Variants in DAP observed in about 807,000 individuals in gnomAD.
The protein encoded by DAP is death associated protein.
DAP carries 8 observed loss-of-function variants against 13.8 expected under a neutral mutation model. The observed-to-expected ratio is 0.58, with a 90% CI of 0.34 to 1.05. The LOEUF is 1.05. Among genes scored for constraint, DAP ranks in the 50% least tolerant of loss-of-function variants. DAP has a pLI of 0.03. For missense variants in DAP, 106 were observed against 133.2 expected, an observed-to-expected ratio of 0.80 and a Z score of 1.01; for synonymous variants, 47 against 47.5, an observed-to-expected ratio of 0.99 and a Z score of 0.04.
chr5:10,756,135 G>T (rs1358214443), intron 1 of DAP, among the ~76,000 whole-genome samples: 1 of 92,312 alleles, frequency 1.1e-5, no homozygotes, highest in Non-Finnish European at 2.3e-5. Flanking sequence ...GAGAGACCCT[G>T]TCTAGACAAG....
chr5:10,732,326 C>T (rs1739485322), intron 2 of DAP, among the ~76,000 whole-genome samples: 1 of 152,198 alleles, frequency 6.6e-6, no homozygotes, highest in Non-Finnish European at 1.5e-5. Flanking sequence ...GCAATCGATA[C>T]CCATTAAGCT....
chr5:10,753,267 C>T (rs536850529), intron 1 of DAP, among the ~76,000 whole-genome samples: 41 of 152,344 alleles, frequency 2.7e-4, no homozygotes, highest in African/African-American at 8.9e-4. Flanking sequence ...GGCCCCAAAT[C>T]GCACAGCTGG....
At chr5:10,711,590 T>C (rs1005338331) in intron 2 of DAP, among the ~76,000 whole-genome samples, 1 of 152,212 alleles carries the variant, frequency 6.6e-6, no homozygotes, top group African/African-American at 2.4e-5. Flanking sequence ...CTCTGAACTC[T>C]GACAGCGCTT....
intron 1 of DAP, among the ~76,000 whole-genome samples, chr5:10,760,487 A>G (rs1740313307): frequency 6.6e-6 from 1 of 152,216 alleles, no homozygotes; most frequent in Non-Finnish European, 1.5e-5. Flanking sequence ...GGGGAAAAAA[A>G]AAATCTGGAT....
rs889384611 is a variant in DAP at position 10,717,293 on chromosome 5, C to G, written c.152+30882G>C. ...AGAAAGAGCTGAAATTGTGGAAAAA[C>G]AGACACAAGCCCTTATGATGTGAGT... On this transcript the variant is annotated intron_variant, in intron 2 of 3. Transcript: ENST00000230895. Among the ~76,000 whole-genome samples the G allele has an allele frequency of 2.0e-5, 3 of 152,136 alleles. No individual in the cohort carries two copies. In the South Asian group the frequency reaches 6.2e-4, roughly 32 times the overall value.
At chr5:10,686,550 G>A (rs1367016158) in intron 2 of DAP, among the ~76,000 whole-genome samples, 4 of 152,168 alleles carry the variant, frequency 2.6e-5, no homozygotes, top group Non-Finnish European at 5.9e-5. Flanking sequence ...GAGAAAGTTC[G>A]AGTGGTCTGG....
chr5:10,744,793 G>T (rs1013007431), intron 2 of DAP, among the ~76,000 whole-genome samples: 1 of 152,230 alleles, frequency 6.6e-6, no homozygotes, highest in African/African-American at 2.4e-5. Context: ...CTTAGCAGGT[G>T]CCCAGCACAA....
At chr5:10,739,758 C>T (rs149587062) in intron 2 of DAP, among the ~76,000 whole-genome samples, 2 of 150,302 alleles carry the variant, frequency 1.3e-5, no homozygotes, top group African/African-American at 4.9e-5. Flanking sequence ...ACAGCCCAGG[C>T]CCGGTTCAAC....
chr5:10,696,420 C>T (rs1738441650), intron 2 of DAP, among the ~76,000 whole-genome samples: 1 of 152,156 alleles, frequency 6.6e-6, no homozygotes, highest in South Asian at 2.1e-4. Flanking sequence ...CGATTCAGAA[C>T]CACAGACAAA....
At chr5:10,759,783 C>T (rs1056642827) in intron 1 of DAP, among the ~76,000 whole-genome samples, 28 of 131,504 alleles carry the variant, frequency 2.1e-4, no homozygotes, top group Admixed American at 5.7e-4. Context: ...TGGAGTCTCG[C>T]TCGCTTTGTC....
At chr5:10,688,814 C>G (rs1738222885) in intron 2 of DAP, among the ~76,000 whole-genome samples, 1 of 152,198 alleles carries the variant, frequency 6.6e-6, no homozygotes, top group Non-Finnish European at 1.5e-5. Context: ...GCAGAGGCGC[C>G]ATCCAGCAGT....
intron 1 of DAP, among the ~76,000 whole-genome samples, chr5:10,750,604 C>T (rs995268696): frequency 6.6e-6 from 1 of 152,198 alleles, no homozygotes; most frequent in Non-Finnish European, 1.5e-5. Flanking sequence ...TTTTTCATTC[C>T]TACAGCTTTT....
At position 10,679,280 on chromosome 5, in the gene DAP, T is replaced by TAAC. The variant is rs1366845432; in HGVS notation, c.*1773_*1775dup. ...ATAAATCATTTAATATTCTTGAAGT[T>TAAC]AACAACTGATAAACTCATTTAGGCA... On this transcript the variant is annotated 3_prime_UTR_variant, in exon 4 of 4. Transcript: ENST00000230895. 6.6e-6 allele frequency: 1 copy of TAAC among 152,392 alleles called. No homozygotes were observed. The highest frequency in any genetic ancestry group is 1.5e-5 in the Non-Finnish European group (1 of 68,048). 9.4% of individuals were successfully genotyped at this position (152,392 alleles called of 1,614,324 possible).
At chr5:10,690,264 G>A (rs1394263123) in intron 2 of DAP, among the ~76,000 whole-genome samples, 2 of 152,170 alleles carry the variant, frequency 1.3e-5, no homozygotes, top group Admixed American at 6.5e-5. Context: ...GACAGTCCAA[G>A]CTCTCCCTCC....
At position 10,680,418 on chromosome 5, in the gene DAP, T is replaced by A. The variant is rs1027851244; in HGVS notation, c.*638A>T. Reference sequence around the variant, plus strand: ...AGAAGTCCTCCCTCGGAGCTACCTGTCTCCAGCCTCATTCTTTGGCATGTT... The same window carrying A: ...AGAAGTCCTCCCTCGGAGCTACCTGACTCCAGCCTCATTCTTTGGCATGTT... On this transcript the variant is annotated 3_prime_UTR_variant, in exon 4 of 4. Transcript: ENST00000230895. 1 of 383,294 alleles carries A rather than the reference T, an allele frequency of 2.6e-6. No homozygotes were observed. Among genetic ancestry groups the A allele is most frequent in the Admixed American group, 4.4e-5 (1 of 22,834 alleles). The allele number at this position is 383,294 out of a possible 1,614,324, so 23.7% of individuals were successfully genotyped here. A position where few individuals can be genotyped will look rare whatever the true frequency, so the allele number is the denominator to read the frequency against.
chr5:10,683,352 C>A lies in DAP; in HGVS notation c.195+177G>T, dbSNP rs951520785. The A allele has an allele frequency of 8.2e-6, 6 of 730,558 alleles. No homozygotes were observed. The East Asian group carries it at 1.0e-4, about 13-fold the overall frequency. 45.3% of individuals were successfully genotyped at this position (730,558 alleles called of 1,614,324 possible). A position where few individuals can be genotyped will look rare whatever the true frequency, so the allele number is the denominator to read the frequency against. ...AGGTAAAGGATGCGAGTCTGGCCTG[C>A]GGTCTGCAGAAGCAGCCTCTGGGGA... is the stretch of plus-strand genomic sequence containing the variant. On this transcript the variant is annotated intron_variant, in intron 3 of 3. Coordinates refer to ENST00000230895, the MANE Select transcript of DAP (RefSeq NM_004394.3).
chr5:10,703,413 G>C (rs953341042), intron 2 of DAP, among the ~76,000 whole-genome samples: 2 of 152,116 alleles, frequency 1.3e-5, no homozygotes, highest in Non-Finnish European at 2.9e-5. Flanking sequence ...GGCAGGGGGG[G>C]TGTCACCGAC....
intron 1 of DAP, among the ~76,000 whole-genome samples, chr5:10,760,197 T>G (rs1028308357): frequency 3.3e-5 from 5 of 152,168 alleles, no homozygotes; most frequent in Admixed American, 3.3e-4. Flanking sequence ...CATCCATACA[T>G]TGAAGTGACT....
intron 2 of DAP, among the ~76,000 whole-genome samples, chr5:10,701,761 G>C (rs1208455129): frequency 2.6e-5 from 4 of 152,090 alleles, no homozygotes; most frequent in African/African-American, 9.7e-5. Context: ...CTGGGTTCAG[G>C]CATTGGTCCT....
Sources: gnomAD v4.1 joint callset for allele counts (sites outside exome capture counted in the v4.1 genomes callset) on GRCh38, gnomAD v4.1.1 for gene constraint, MANE v1.5 for transcripts, NCBI Gene and HGNC (gene_info 2026-07-23, HGNC 2026-07-21) for gene names.